Variants in INO80 observed in about 807,000 individuals in gnomAD.
The protein encoded by INO80 is chromatin-remodeling ATPase INO80.
INO80 carries 20 observed loss-of-function variants against 203.4 expected under a neutral mutation model. The observed-to-expected ratio is 0.10, with a 90% CI of 0.07 to 0.14. The LOEUF is 0.14. Among genes scored for constraint, INO80 ranks in the 10% least tolerant of loss-of-function variants. The pLI, the probability that INO80 is intolerant of heterozygous loss-of-function variation, is 1.00. For missense variants in INO80, 1,419 were observed against 1,914.4 expected (o/e 0.74, Z 4.83); for synonymous variants, 726 against 685.2 (o/e 1.06, Z -0.93).
intron 14 of INO80, among the ~76,000 whole-genome samples, chr15:41,061,134 C>A (rs2140561493): frequency 6.6e-6 from 1 of 151,680 alleles, no homozygotes; most frequent in South Asian, 2.1e-4. Context: ...TGGTGAAACT[C>A]TCTCTCTACA....
intron 25 of INO80, among the ~76,000 whole-genome samples, chr15:41,027,310 TC>T: frequency 6.6e-6 from 1 of 152,274 alleles, no homozygotes; most frequent in East Asian, 1.9e-4. Flanking sequence ...TGATATATAT[TC>T]TACCTGACAG....
chr15:41,006,542 T>C (rs1269769373), intron 27 of INO80, among the ~76,000 whole-genome samples: 4 of 152,252 alleles, frequency 2.6e-5, no homozygotes, highest in Non-Finnish European at 5.9e-5. Flanking sequence ...TTGTGTTAAT[T>C]AGTTTTCTGT....
intron 5 of INO80, 110 bp downstream of exon 5, chr15:41,091,917 G>C (rs1255608818): frequency 9.6e-6 from 8 of 836,596 alleles, no homozygotes; most frequent in Non-Finnish European, 1.5e-5. Flanking sequence ...CTCCCAAAGT[G>C]CTGGGATTAT....
intron 5 of INO80, 35 bp downstream of exon 5, chr15:41,091,992 T>A (rs774158311): frequency 1.3e-6 from 2 of 1,555,028 alleles, no homozygotes; most frequent in Non-Finnish European, 1.8e-6. Flanking sequence ...AGAGGGTGAA[T>A]ATTCAGTTTG....
rs369374932 is a variant in INO80, at chr15:40,984,230, G to A, written c.4044C>T (p.Ser1348=). The part of the protein sequence containing the change: ...LSADGDDSFI[S]VDSAMPSPFS... ...AAGGGCTTGGCATGGCTGAGTCCAC[G>A]CTAATGAAGGAGTCATCTCCGTCAG... The change falls in exon 33 of 36, where the codon AGC becomes AGT. Residue 1348 remains serine, a synonymous_variant. Transcript: ENST00000648947. The A allele has an allele frequency of 3.1e-6, 5 of 1,613,602 alleles. No homozygotes were observed. The African/African-American group carries it at 4.0e-5, about 13-fold the overall frequency.
chr15:41,015,573 G>C (rs2044190987), intron 27 of INO80, among the ~76,000 whole-genome samples: 2 of 151,940 alleles, frequency 1.3e-5, no homozygotes, highest in South Asian at 4.2e-4. Flanking sequence ...GCAGGGGGCA[G>C]AAGTCCTTCA....
At chr15:41,003,563 C>A (rs2043996229) in intron 28 of INO80, among the ~76,000 whole-genome samples, 2 of 152,112 alleles carry the variant, frequency 1.3e-5, no homozygotes, top group South Asian at 4.2e-4. Context: ...CTCCTGACCT[C>A]AGATGACCCG....
chr15:40,997,298 C>T (rs1373191586), intron 29 of INO80, among the ~76,000 whole-genome samples: 1 of 151,966 alleles, frequency 6.6e-6, no homozygotes, highest in Non-Finnish European at 1.5e-5. Context: ...AACAAAAAAA[C>T]TTGTTCAAAG....
intron 31 of INO80, among the ~76,000 whole-genome samples, 180 bp from the exon 32 acceptor site, chr15:40,985,606 CTTATTTTAAGCA>C (rs2140411151): frequency 6.6e-6 from 1 of 152,182 alleles, no homozygotes; most frequent in Admixed American, 6.5e-5. Context: ...AAATCACACT[CTTATTTTAAGCA>C]TTATGGGCTG....
intron 19 of INO80, among the ~76,000 whole-genome samples, chr15:41,052,257 CATTGCTATTT>C (rs1439791104): frequency 1.3e-5 from 2 of 152,064 alleles, no homozygotes; most frequent in African/African-American, 4.8e-5. Flanking sequence ...ATCTATGTGA[CATTGCTATTT>C]ATTAGCTAAA....
chr15:40,998,016 C>CTTT (rs10572892), intron 28 of INO80, among the ~76,000 whole-genome samples: 12 of 75,174 alleles, frequency 1.6e-4, no homozygotes, highest in African/African-American at 5.5e-4. Context: ...CCAAAACACT[C>CTTT]TTTTTTTTTT....
intron 1 of INO80, among the ~76,000 whole-genome samples, chr15:41,113,574 C>G (rs970137738): frequency 6.6e-6 from 1 of 151,930 alleles, no homozygotes; most frequent in Non-Finnish European, 1.5e-5. Context: ...GGCCAACAAA[C>G]TTTCATTAAG....
rs1425459126 is a variant in INO80 at position 40,991,852 on chromosome 15, C to CA, written c.3571-3879dup. ...GCAGTGGCAAGATCTTGACTCACTG[C>CA]AAGCTCCGCCTCCCGAGTTCACGCC... is the stretch of plus-strand genomic sequence containing the variant. On this transcript the variant is annotated intron_variant, in intron 29 of 35. Coordinates refer to ENST00000648947, the MANE Select transcript of INO80 (RefSeq NM_017553.3). Among the ~76,000 whole-genome samples, 8 of 152,124 alleles carry CA rather than the reference C, an allele frequency of 5.3e-5. No homozygotes were observed. In the South Asian group the frequency reaches 1.7e-3, roughly 32 times the overall value.
intron 4 of INO80, among the ~76,000 whole-genome samples, chr15:41,094,376 C>T (rs2045688957): frequency 6.6e-6 from 1 of 152,164 alleles, no homozygotes; most frequent in African/African-American, 2.4e-5. Flanking sequence ...TGCAGTTGTT[C>T]CTTCTGACCG....
intron 5 of INO80, among the ~76,000 whole-genome samples, chr15:41,090,619 C>CT: frequency 6.6e-6 from 1 of 152,080 alleles, no homozygotes; most frequent in Admixed American, 6.6e-5. Flanking sequence ...GTTGTCTGGA[C>CT]TGAGGGACAG....
chr15:40,981,251 G>A (rs1405270328), intron 35 of INO80, among the ~76,000 whole-genome samples: 1 of 152,134 alleles, frequency 6.6e-6, no homozygotes, highest in Non-Finnish European at 1.5e-5. Flanking sequence ...AGCACTGTTG[G>A]TTTTTCTTGT....
At chr15:41,075,314 AG>A (rs2045386229) in intron 9 of INO80, among the ~76,000 whole-genome samples, 1 of 151,170 alleles carries the variant, frequency 6.6e-6, no homozygotes, top group Non-Finnish European at 1.5e-5. Context: ...TGTGTGGGCC[AG>A]GCTGGAGTGC....
chr15:41,027,543 G>C, intron 25 of INO80, 53 bp downstream of exon 25: 1 of 1,457,404 alleles, frequency 6.9e-7, no homozygotes, highest in Non-Finnish European at 9.3e-7. Context: ...TTAAAAATTG[G>C]TTTATTTCTC....
chr15:41,100,370 G>A (rs1246025494), intron 1 of INO80, among the ~76,000 whole-genome samples: 2 of 152,056 alleles, frequency 1.3e-5, no homozygotes, highest in Admixed American at 6.6e-5. Flanking sequence ...CACTGTGCCC[G>A]GCCAATGAAT....
Sources: allele counts gnomAD v4.1 joint callset (sites outside exome capture counted in the v4.1 genomes callset), GRCh38; gene constraint gnomAD v4.1.1; transcripts MANE v1.5; gene names NCBI Gene and HGNC (gene_info 2026-07-23, HGNC 2026-07-21).